Variants in AGPS observed in about 807,000 individuals in gnomAD.
AGPS encodes alkylglycerone phosphate synthase, also known as alkyldihydroxyacetonephosphate synthase, peroxisomal.
A neutral mutation model predicts 90.7 loss-of-function variants in AGPS; 26 were observed. The ratio of observed to expected loss-of-function variants is 0.29; its 90% CI spans 0.21 to 0.40. The LOEUF is 0.40. Among genes scored for constraint, AGPS ranks in the 10% least tolerant of loss-of-function variants. The pLI is 1.00. For synonymous variants in AGPS, 294 were observed against 285.3 expected (o/e 1.03, Z -0.31); for missense variants, 540 against 816.1 (o/e 0.66, Z 4.12).
intron 18 of AGPS, 32 bp from the exon 19 acceptor site, chr2:177,523,716 G>A (rs1467668711): frequency 3.1e-6 from 5 of 1,602,464 alleles, no homozygotes; most frequent in Non-Finnish European, 4.3e-6. Flanking sequence ...AATCTAACTA[G>A]CAACAATTTG....
chr2:177,434,800 AGACT>A (rs1300234689), intron 3 of AGPS, among the ~76,000 whole-genome samples: 8 of 152,154 alleles, frequency 5.3e-5, no homozygotes, highest in South Asian at 2.1e-4. Flanking sequence ...ATTATTTAAT[AGACT>A]GACTGTAATC....
At chr2:177,513,673 C>A in intron 16 of AGPS, 146 bp from the exon 17 acceptor site, 1 of 651,854 alleles carries the variant, frequency 1.5e-6, no homozygotes, top group Non-Finnish European at 2.7e-6. Context: ...GTGATCAGGG[C>A]TCTTTTCCAT....
At chr2:177,522,404 C>G (rs143736092) in intron 18 of AGPS, among the ~76,000 whole-genome samples, 9 of 152,088 alleles carry the variant, frequency 5.9e-5, no homozygotes, top group African/African-American at 2.2e-4. Context: ...GATATAAATT[C>G]TTAGAGCAGG....
chr2:177,434,996 G>GTT (rs1559044446), intron 3 of AGPS, among the ~76,000 whole-genome samples: 28 of 2,962 alleles, frequency 9.5e-3, no homozygotes, highest in Admixed American at 0.027. Flanking sequence ...TTAAACTGTA[G>GTT]GTATATATAT....
intron 6 of AGPS, 160 bp downstream of exon 6, chr2:177,441,196 A>G: frequency 1.5e-6 from 1 of 659,964 alleles, no homozygotes; most frequent in East Asian, 2.8e-5. Context: ...TGTTCTAAGT[A>G]GGATTCCTTA....
chr2:177,401,581 G>C (rs1338846779), intron 1 of AGPS, among the ~76,000 whole-genome samples: 1 of 149,542 alleles, frequency 6.7e-6, no homozygotes, highest in Non-Finnish European at 1.5e-5. Context: ...GTCTCGCTCT[G>C]TTGCCCAGGC....
chr2:177,538,514 G>A lies in AGPS; in HGVS notation c.*319G>A, dbSNP rs971647882. The A allele has an allele frequency of 8.5e-6, 3 of 353,852 alleles. No individual in the cohort carries two copies. Among genetic ancestry groups the A allele is most frequent in the African/African-American group, 4.3e-5 (2 of 47,050 alleles). 21.9% of individuals were successfully genotyped at this position (353,852 alleles called of 1,614,324 possible). On this transcript the variant is annotated 3_prime_UTR_variant, in exon 20 of 20. Coordinates refer to ENST00000264167, the MANE Select transcript of AGPS (RefSeq NM_003659.4). ...CTGTTTTGTATTGTTGCTTCCTCTT[G>A]GGGAACAAAGACAGATTTGGTATCA...
At chr2:177,475,170 G>A (rs2105684966) in intron 10 of AGPS, among the ~76,000 whole-genome samples, 1 of 152,324 alleles carries the variant, frequency 6.6e-6, no homozygotes, top group East Asian at 1.9e-4. Context: ...CTGTGAACAT[G>A]AGATGTTAAT....
At chr2:177,435,558 A>C (rs1215264172) in intron 3 of AGPS, among the ~76,000 whole-genome samples, 1 of 152,142 alleles carries the variant, frequency 6.6e-6, no homozygotes, top group Admixed American at 6.5e-5. Flanking sequence ...CCTATGGGAT[A>C]AATTGCACAG....
chr2:177,394,122 C>T (rs570033337), intron 1 of AGPS, among the ~76,000 whole-genome samples: 1 of 152,308 alleles, frequency 6.6e-6, no homozygotes, highest in African/African-American at 2.4e-5. Flanking sequence ...GCTATACTTG[C>T]TTCTGATGAA....
chr2:177,522,608 C>T (rs1689230368), intron 18 of AGPS, among the ~76,000 whole-genome samples: 1 of 152,120 alleles, frequency 6.6e-6, no homozygotes, highest in South Asian at 2.1e-4. Context: ...CGTGCACCAC[C>T]ATGCCTGGCT....
intron 1 of AGPS, among the ~76,000 whole-genome samples, chr2:177,405,912 T>G (rs1181112553): frequency 6.6e-6 from 1 of 152,204 alleles, no homozygotes; most frequent in East Asian, 1.9e-4. Flanking sequence ...TATTTCTATC[T>G]GAGTATCTTG....
chr2:177,469,505 A>C (rs911680052), intron 10 of AGPS, among the ~76,000 whole-genome samples: 3 of 152,200 alleles, frequency 2.0e-5, no homozygotes, highest in African/African-American at 7.2e-5. Flanking sequence ...AACCAATGAC[A>C]GACCTTTGTC....
chr2:177,406,131 C>A lies in AGPS; in HGVS notation c.260+13082C>A, dbSNP rs142541809. ...CTCCAAGTCAGATGGACTCTATTAT[C>A]GACTCTCAAGACACTTTGCTTTTCT... On this transcript the variant is annotated intron_variant, in intron 1 of 19. Transcript: ENST00000264167. 2.0e-5 allele frequency among the ~76,000 whole-genome samples: 3 copies of A among 152,276 alleles called. No individual in the cohort carries two copies. In the East Asian group the frequency reaches 5.8e-4, roughly 29 times the overall value.
intron 8 of AGPS, among the ~76,000 whole-genome samples, 155 bp downstream of exon 8, chr2:177,445,781 C>T (rs1434210719): frequency 6.6e-6 from 1 of 152,012 alleles, no homozygotes; most frequent in African/African-American, 2.4e-5. Flanking sequence ...TGTTTAGTTT[C>T]TATTATGGGT....
intron 3 of AGPS, among the ~76,000 whole-genome samples, chr2:177,435,038 G>C (rs536521586): frequency 1.5e-5 from 2 of 129,294 alleles, no homozygotes; most frequent in Non-Finnish European, 3.2e-5. Flanking sequence ...TGAAACTAAT[G>C]AAATATTTAG....
intron 9 of AGPS, among the ~76,000 whole-genome samples, chr2:177,465,977 T>C (rs1687434276): frequency 1.3e-5 from 2 of 152,070 alleles, no homozygotes; most frequent in African/African-American, 2.4e-5. Flanking sequence ...TGCGGACAAG[T>C]GGAGGGTGAG....
At chr2:177,479,305 G>A (rs1273082118) in intron 10 of AGPS, among the ~76,000 whole-genome samples, 2 of 152,120 alleles carry the variant, frequency 1.3e-5, no homozygotes, top group Non-Finnish European at 2.9e-5. Context: ...GAGCTACAGG[G>A]GAGCACTACC....
chr2:177,462,777 C>T (rs1380303133), intron 9 of AGPS, among the ~76,000 whole-genome samples: 3 of 152,020 alleles, frequency 2.0e-5, no homozygotes. Context: ...TGATTTAAAG[C>T]ATGTGAGAGG....
Sources: allele counts gnomAD v4.1 joint callset (sites outside exome capture counted in the v4.1 genomes callset), GRCh38; gene constraint gnomAD v4.1.1; transcripts MANE v1.5; gene names NCBI Gene and HGNC (gene_info 2026-07-23, HGNC 2026-07-21).